The following HYDIN variants were observed in gnomAD, a reference collection of about 807,000 sequenced individuals.
The protein encoded by HYDIN is HYDIN axonemal central pair apparatus protein, also known as axonemal central pair apparatus protein HYDIN.
HYDIN carries 132 observed loss-of-function variants against 403.9 expected under a neutral mutation model. The ratio of observed to expected loss-of-function variants is 0.33; its 90% CI spans 0.28 to 0.38. The LOEUF (loss-of-function observed/expected upper bound fraction) is 0.38, where lower values mean the gene tolerates loss of function less well. HYDIN is among the 10% of genes least tolerant of loss of function. The pLI, the probability that HYDIN is intolerant of heterozygous loss-of-function variation, is 1.00. For synonymous variants in HYDIN, 1,202 were observed against 1,891.7 expected (o/e 0.64, Z 9.46); for missense variants, 2,827 against 5,009.5 (o/e 0.56, Z 13.15).
rs2035042661 is a variant in HYDIN, at chr16:70,804,919, C to G, written c.*2661G>C. Among the ~76,000 whole-genome samples, 1 of 152,218 alleles carries G rather than the reference C, an allele frequency of 6.6e-6. No homozygotes were observed. Among genetic ancestry groups the G allele is most frequent in the Non-Finnish European group, 1.5e-5 (1 of 68,038 alleles). ...GTTGGGGGAGTTGCCCCTAGCCACC[C>G]CAAGGCTGGCTATAAGCCATGCTGG... On this transcript the variant is annotated 3_prime_UTR_variant, in exon 86 of 86. Transcript: ENST00000393567.
intron 1 of HYDIN, among the ~76,000 whole-genome samples, chr16:71,219,546 C>T (rs1188768557): frequency 1.3e-5 from 2 of 151,958 alleles, no homozygotes; most frequent in African/African-American, 4.8e-5. Context: ...TTATTTGAAC[C>T]AATACTTTCT....
At chr16:70,831,325 C>T (rs2143505313) in intron 80 of HYDIN, among the ~76,000 whole-genome samples, 1 of 151,276 alleles carries the variant, frequency 6.6e-6, no homozygotes, top group East Asian at 2.0e-4. Context: ...ACCCGGCCAA[C>T]ATGGCAAAAC....
intron 19 of HYDIN, 159 bp downstream of exon 19, chr16:71,031,520 T>G (rs1236895314): frequency 1.5e-6 from 2 of 1,302,746 alleles, no homozygotes; most frequent in Non-Finnish European, 2.0e-6. Flanking sequence ...TTCTTGTTGC[T>G]GACATACACA....
chr16:70,819,391 T>C (rs1246941861), intron 83 of HYDIN, among the ~76,000 whole-genome samples: 1 of 151,848 alleles, frequency 6.6e-6, no homozygotes, highest in African/African-American at 2.4e-5. Context: ...AAATTTAATT[T>C]AATTTAATTT....
intron 73 of HYDIN, among the ~76,000 whole-genome samples, chr16:70,854,126 C>T (rs1284428173): frequency 2.0e-5 from 3 of 151,400 alleles, no homozygotes; most frequent in Admixed American, 6.6e-5. Flanking sequence ...GTGATCCACC[C>T]GCCTTGACCT....
intron 1 of HYDIN, among the ~76,000 whole-genome samples, chr16:71,196,258 A>G (rs1038194846): frequency 2.0e-5 from 3 of 152,194 alleles, no homozygotes; most frequent in African/African-American, 7.2e-5. Context: ...ATGTCTATCT[A>G]GATGTTTCTG....
At chr16:70,856,671 G>A (rs984677938) in intron 72 of HYDIN, among the ~76,000 whole-genome samples, 10 of 152,130 alleles carry the variant, frequency 6.6e-5, no homozygotes, top group Admixed American at 2.6e-4. Flanking sequence ...ATATTGAAAC[G>A]TACCACTGTT....
intron 50 of HYDIN, among the ~76,000 whole-genome samples, chr16:70,905,118 T>C (rs1313756653): frequency 1.3e-5 from 2 of 152,022 alleles, no homozygotes; most frequent in Non-Finnish European, 2.9e-5. Flanking sequence ...AGATAGGCCA[T>C]GATGGAGGAT....
Position 71,126,996 on chromosome 16 carries a change from G to A in HYDIN, c.1227+2644C>T, listed in dbSNP as rs1208668916. 7.9e-5 allele frequency among the ~76,000 whole-genome samples: 12 copies of A among 152,094 alleles called. No homozygotes were observed. In the East Asian group the frequency reaches 1.7e-3, roughly 22 times the overall value. ...CCCATTAAATACCTTTAAAAGTAATGTATAAGGTAAGATTATAGTACTTTC... is the reference window on the plus strand; with the variant it reads ...CCCATTAAATACCTTTAAAAGTAATATATAAGGTAAGATTATAGTACTTTC... On this transcript the variant is annotated intron_variant, in intron 9 of 85. Coordinates refer to ENST00000393567, the MANE Select transcript of HYDIN (RefSeq NM_001270974.2).
chr16:70,907,709 T>C (rs1301668940), intron 49 of HYDIN, among the ~76,000 whole-genome samples: 3 of 151,940 alleles, frequency 2.0e-5, no homozygotes, highest in Non-Finnish European at 4.4e-5. Context: ...TCTTCTATAA[T>C]GAGGAGCAGT....
chr16:71,180,407 T>G (rs928918891), intron 3 of HYDIN, among the ~76,000 whole-genome samples: 1 of 152,062 alleles, frequency 6.6e-6, no homozygotes, highest in African/African-American at 2.4e-5. Context: ...CAAACCCAGA[T>G]AGCTTTACAA....
chr16:70,824,505 T>A, intron 83 of HYDIN, among the ~76,000 whole-genome samples: 1 of 151,724 alleles, frequency 6.6e-6, no homozygotes, highest in Non-Finnish European at 1.5e-5. Context: ...TTGCTTATTA[T>A]ATCCTTGTAC....
rs1204793271 is a variant in HYDIN, at chr16:71,071,280, C to T, written c.1739-1778G>A. On this transcript the variant is annotated intron_variant, in intron 13 of 85. Coordinates refer to ENST00000393567, the MANE Select transcript of HYDIN (RefSeq NM_001270974.2). ...CTCCTAGTTACAACAATTTCTTGTA[C>T]TAGTACCTGTAATATCCCATATTGC... is the stretch of plus-strand genomic sequence containing the variant. Among the ~76,000 whole-genome samples the T allele has an allele frequency of 1.4e-4, 21 of 149,508 alleles. No homozygotes were observed. In the South Asian group the frequency reaches 3.7e-3, roughly 26 times the overall value.
intron 14 of HYDIN, among the ~76,000 whole-genome samples, chr16:71,068,944 A>G (rs1197472459): frequency 6.6e-6 from 1 of 152,092 alleles, no homozygotes; most frequent in East Asian, 1.9e-4. Flanking sequence ...CTAAGTATCA[A>G]TAAGTTGTGA....
rs57860871 is a variant in HYDIN, at chr16:70,923,647, C to CAA, written c.7159-2432_7159-2431dup. On this transcript the variant is annotated intron_variant, in intron 45 of 85. Transcript: ENST00000393567. The stretch of plus-strand genomic sequence containing the variant: ...GAAACCCCGTCTCTACTAAAAAATA[C>CAA]AAAAAAAAAAAAAAAAAAAAAAAAT... Among the ~76,000 whole-genome samples the CAA allele has an allele frequency of 3.6e-3, 247 of 69,278 alleles. 5 individuals are homozygous for CAA. The highest frequency in any genetic ancestry group is 0.014 in the African/African-American group (219 of 15,858). 45.4% of individuals were successfully genotyped at this position (69,278 alleles called of 152,430 possible). A position where few individuals can be genotyped will look rare whatever the true frequency, so the allele number is the denominator to read the frequency against.
intron 1 of HYDIN, among the ~76,000 whole-genome samples, chr16:71,212,417 T>C (rs2088641411): frequency 1.3e-5 from 2 of 152,144 alleles, no homozygotes; most frequent in Admixed American, 1.3e-4. Context: ...TTAAAGGGTA[T>C]ATGGGTTTTC....
At chr16:70,950,817 G>C (rs545383336) in intron 41 of HYDIN, among the ~76,000 whole-genome samples, 9 of 151,988 alleles carry the variant, frequency 5.9e-5, no homozygotes, top group Non-Finnish European at 1.3e-4. Context: ...ACTGAGGCTG[G>C]GCTTCCCATA....
Position 71,061,861 on chromosome 16 carries a change from A to AGTGTGTGTGTGTGTGTGT in HYDIN, c.2376+290_2376+307dup, listed in dbSNP as rs66689823. On this transcript the variant is annotated intron_variant, in intron 17 of 85. Coordinates refer to ENST00000393567, the MANE Select transcript of HYDIN (RefSeq NM_001270974.2). ...TGGAGAGGGGTCAGGCATGTGTGAC[A>AGTGTGTGTGTGTGTGTGT]GTGTGTGTGTGTGTGTGTGTGTGTG... 8.0e-4 allele frequency among the ~76,000 whole-genome samples: 115 copies of AGTGTGTGTGTGTGTGTGT among 144,120 alleles called. 1 individual carries two copies. The highest frequency in any genetic ancestry group is 2.6e-3 in the African/African-American group (101 of 38,148). 94.5% of individuals were successfully genotyped at this position (144,120 alleles called of 152,430 possible).
chr16:70,949,424 A>G (rs1453191976), intron 41 of HYDIN, among the ~76,000 whole-genome samples: 1 of 151,970 alleles, frequency 6.6e-6, no homozygotes, highest in African/African-American at 2.4e-5. Flanking sequence ...TAACCTGCAC[A>G]TTGTGCACAT....
Sources: allele counts gnomAD v4.1 joint callset (sites outside exome capture counted in the v4.1 genomes callset), GRCh38; gene constraint gnomAD v4.1.1; transcripts MANE v1.5; gene names NCBI Gene and HGNC (gene_info 2026-07-23, HGNC 2026-07-21).